Variants in TRIM67 observed in about 807,000 individuals in gnomAD.
The protein encoded by TRIM67 is tripartite motif-containing protein 67.
Under a neutral mutation model 71.0 loss-of-function variants are expected in TRIM67, and 39 were observed. The ratio of observed to expected loss-of-function variants is 0.55; its 90% CI spans 0.43 to 0.72. TRIM67 has a LOEUF of 0.72. Ranked by LOEUF, TRIM67 falls within the 30% of genes least tolerant of loss-of-function variation. TRIM67 has a pLI of 0.00. For missense variants in TRIM67, 973 were observed against 1,079.2 expected, an observed-to-expected ratio of 0.90 and a Z score of 1.38; for synonymous variants, 481 against 473.9, an observed-to-expected ratio of 1.01 and a Z score of -0.19.
At chr1:231,210,126 T>C (rs985271212) in intron 8 of TRIM67, among the ~76,000 whole-genome samples, 3 of 151,986 alleles carry the variant, frequency 2.0e-5, no homozygotes, top group African/African-American at 4.8e-5. Context: ...AAATGGAGAG[T>C]TGCAAGTTGC....
At chr1:231,198,931 A>G in intron 2 of TRIM67, 116 bp from the exon 3 acceptor site, 7 of 1,511,220 alleles carry the variant, frequency 4.6e-6, no homozygotes, top group Non-Finnish European at 6.3e-6. Context: ...AACATTATAG[A>G]GAAATCTAGG....
intron 1 of TRIM67, among the ~76,000 whole-genome samples, chr1:231,192,403 C>A (rs1237559396): frequency 6.6e-6 from 1 of 152,162 alleles, no homozygotes; most frequent in Non-Finnish European, 1.5e-5. Flanking sequence ...TGGTCTCAAA[C>A]TCCTGGGTTC....
In TRIM67 at chr1:231,217,436, C is replaced by T; in HGVS notation, c.*1996C>T. On this transcript the variant is annotated 3_prime_UTR_variant, in exon 10 of 10. Coordinates refer to ENST00000366653, the MANE Select transcript of TRIM67 (RefSeq NM_001004342.5). ...CTTGCCCGCACCTCTGCCTCTGTCT[C>T]CCATATCCCTGCAGCTTCATCCTTA... is the stretch of plus-strand genomic sequence containing the variant. 1.0e-6 allele frequency: 1 copy of T among 991,228 alleles called. No homozygotes were observed. The highest frequency in any genetic ancestry group is 1.2e-6 in the Non-Finnish European group (1 of 833,644). 61.4% of individuals were successfully genotyped at this position (991,228 alleles called of 1,614,324 possible). A position where few individuals can be genotyped will look rare whatever the true frequency, so the allele number is the denominator to read the frequency against.
Position 231,219,225 on chromosome 1 carries a change from G to A in TRIM67, c.*3785G>A, listed in dbSNP as rs1018756570. The A allele has an allele frequency of 4.9e-5, 48 of 983,114 alleles. No individual in the cohort carries two copies. The South Asian group carries it at 8.5e-4, about 17-fold the overall frequency. The allele number at this position is 983,114 out of a possible 1,614,324, so 60.9% of individuals were successfully genotyped here. On this transcript the variant is annotated 3_prime_UTR_variant, in exon 10 of 10. Transcript: ENST00000366653. ...CATTTTGCGATAGGTTCTGTATGCC[G>A]TAGGATGTTTAGCAACATCCCTGGT...
At position 231,199,189 on chromosome 1, in the gene TRIM67, ACACATTGAATCCCTGC is replaced by A. The variant is rs1558302653; in HGVS notation, c.1263+26_1263+41del. 1 of 1,612,998 alleles carries A rather than the reference ACACATTGAATCCCTGC, an allele frequency of 6.2e-7. No individual in the cohort carries two copies. Among genetic ancestry groups the A allele is most frequent in the Non-Finnish European group, 8.5e-7 (1 of 1,179,056 alleles). ...TTGAAGGTAGGTACCTGGGGGACTG[ACACATTGAATCCCTGC>A]CACATCCTCTGCACCCAGCGTGGGG... On this transcript the variant is annotated intron_variant, in intron 3 of 9. Coordinates refer to ENST00000366653, the MANE Select transcript of TRIM67 (RefSeq NM_001004342.5).
In TRIM67 at chr1:231,163,794, C is replaced by T. The variant is rs181618687; in HGVS notation, c.825C>T (p.Pro275=). 1.4e-3 allele frequency: 2,152 copies of T among 1,490,414 alleles called. 30 individuals carry two copies. In the African/African-American group the frequency reaches 0.027, roughly 19 times the overall value. The allele number at this position is 1,490,414 out of a possible 1,614,324, so 92.3% of individuals were successfully genotyped here. A position where few individuals can be genotyped will look rare whatever the true frequency, so the allele number is the denominator to read the frequency against. ...CCACTGGCACCGCCCAGGGCGCCCC[C>T]AGCGGAGGCGGCGGCTGCAAGAGCC... is the stretch of plus-strand genomic sequence containing the variant. The part of the protein sequence containing the change: ...SGPTGTAQGA[P]SGGGGCKSPG... The change falls in exon 1 of 10, where the codon CCC becomes CCT. Residue 275 remains proline (P), a synonymous_variant. Coordinates refer to ENST00000366653, the MANE Select transcript of TRIM67 (RefSeq NM_001004342.5).
At chr1:231,171,057 C>A (rs969078132) in intron 1 of TRIM67, among the ~76,000 whole-genome samples, 1 of 152,280 alleles carries the variant, frequency 6.6e-6, no homozygotes, top group African/African-American at 2.4e-5. Flanking sequence ...CTTTGAAATG[C>A]CCTAATGGGA....
intron 1 of TRIM67, among the ~76,000 whole-genome samples, chr1:231,165,417 C>T (rs1682427085): frequency 1.3e-5 from 2 of 152,186 alleles, no homozygotes; most frequent in Admixed American, 6.5e-5. Context: ...TATGTTTAGC[C>T]TCTAGCAAAG....
chr1:231,206,331 C>G (rs951703580), intron 6 of TRIM67, among the ~76,000 whole-genome samples: 1 of 151,818 alleles, frequency 6.6e-6, no homozygotes, highest in Admixed American at 6.6e-5. Flanking sequence ...GTTCCAGCTA[C>G]TTGGGAGGCT....
At chr1:231,183,280 G>A (rs1179286507) in intron 1 of TRIM67, among the ~76,000 whole-genome samples, 2 of 152,052 alleles carry the variant, frequency 1.3e-5, no homozygotes, top group East Asian at 3.9e-4. Context: ...ATCCAACTCT[G>A]GCTAACTTGA....
In TRIM67 at chr1:231,218,557, G is replaced by A. The variant is rs950439053; in HGVS notation, c.*3117G>A. On this transcript the variant is annotated 3_prime_UTR_variant, in exon 10 of 10. Coordinates refer to ENST00000366653, the MANE Select transcript of TRIM67 (RefSeq NM_001004342.5). ...ATAGCATCCCAGCTCCTAATTCAAA[G>A]CAGGGGAAGGTATTTCCCCAAAGCC... The A allele has an allele frequency of 1.0e-6, 1 of 985,294 alleles. No homozygotes were observed. Among genetic ancestry groups the A allele is most frequent in the Non-Finnish European group, 1.2e-6 (1 of 829,936 alleles). The allele number at this position is 985,294 out of a possible 1,614,324, so 61.0% of individuals were successfully genotyped here. A position where few individuals can be genotyped will look rare whatever the true frequency, so the allele number is the denominator to read the frequency against.
At position 231,167,485 on chromosome 1, in the gene TRIM67, G is replaced by C. The variant is rs534199645; in HGVS notation, c.1044+3472G>C. Among the ~76,000 whole-genome samples the C allele has an allele frequency of 5.5e-4, 70 of 126,798 alleles. 1 individual carries two copies. The highest frequency in any genetic ancestry group is 1.2e-3 in the South Asian group (5 of 4,276). 83.2% of individuals were successfully genotyped at this position (126,798 alleles called of 152,430 possible). ...CTACAGGCGCCCGCCACTACGCCCG[G>C]CTAATTTTTTGTATTTTTAGTAGAG... On this transcript the variant is annotated intron_variant, in intron 1 of 9. Coordinates refer to ENST00000366653, the MANE Select transcript of TRIM67 (RefSeq NM_001004342.5).
intron 2 of TRIM67, among the ~76,000 whole-genome samples, chr1:231,198,296 C>A (rs893875012): frequency 2.0e-5 from 3 of 152,200 alleles, no homozygotes; most frequent in Non-Finnish European, 2.9e-5. Flanking sequence ...GGAGAACGTG[C>A]ACACACAGGT....
Position 231,162,637 on chromosome 1 carries a change from G to A in TRIM67, c.-333G>A, listed in dbSNP as rs1173289773. On this transcript the variant is annotated 5_prime_UTR_variant, in exon 1 of 10. Coordinates refer to ENST00000366653, the MANE Select transcript of TRIM67 (RefSeq NM_001004342.5). ...GAGGCGCGCGCTGCAGCCGGCGGCGGCGCTGGTGCTGATTCATCACCTAAA... is the reference window on the plus strand; with the variant it reads ...GAGGCGCGCGCTGCAGCCGGCGGCGACGCTGGTGCTGATTCATCACCTAAA... 3 of 270,616 alleles carry A rather than the reference G, an allele frequency of 1.1e-5. No individual in the cohort carries two copies. In the Admixed American group the frequency reaches 1.6e-4, roughly 14 times the overall value. 16.8% of individuals were successfully genotyped at this position (270,616 alleles called of 1,614,324 possible).
chr1:231,198,277 G>A (rs547861494), intron 2 of TRIM67, among the ~76,000 whole-genome samples: 56 of 152,240 alleles, frequency 3.7e-4, no homozygotes, highest in Non-Finnish European at 7.1e-4. Context: ...CTCAGGGTCT[G>A]TCTATAGGGG....
chr1:231,195,021 A>C (rs1683331300), intron 1 of TRIM67, among the ~76,000 whole-genome samples: 1 of 152,016 alleles, frequency 6.6e-6, no homozygotes. Context: ...GAGCTACCCC[A>C]CCTGGCTTCA....
intron 1 of TRIM67, among the ~76,000 whole-genome samples, chr1:231,174,729 C>A (rs1682701516): frequency 6.6e-6 from 1 of 152,124 alleles, no homozygotes; most frequent in Non-Finnish European, 1.5e-5. Flanking sequence ...AGAGTTTTTT[C>A]ATTTCCCTTC....
intron 1 of TRIM67, among the ~76,000 whole-genome samples, chr1:231,196,250 T>C (rs1683369267): frequency 6.6e-6 from 1 of 152,150 alleles, no homozygotes; most frequent in South Asian, 2.1e-4. Flanking sequence ...CCCTGGCCCT[T>C]CTGACTCTGC....
chr1:231,209,554 A>C lies in TRIM67; in HGVS notation c.2123+304A>C, dbSNP rs16841556. ...TGGAGCTCGTAGTTTTCTTTCTGGT[A>C]CGGCTTCACTTTCCTTTTCAACTGT... On this transcript the variant is annotated intron_variant, in intron 8 of 9. Transcript: ENST00000366653. The surrounding 1 kb of genome is among the most constrained non-coding windows in gnomAD (Gnocchi z 4.1). 0.36 allele frequency among the ~76,000 whole-genome samples: 54,719 copies of C among 151,974 alleles called. 10,020 individuals carry two copies. The highest frequency in any genetic ancestry group is 0.41 in the Admixed American group (6,266 of 15,278).
Sources: gnomAD v4.1 joint callset for allele counts (sites outside exome capture counted in the v4.1 genomes callset) on GRCh38, gnomAD v4.1.1 for gene constraint, Gnocchi (gnomAD v3.1) non-coding constraint, MANE v1.5 for transcripts, NCBI Gene and HGNC (gene_info 2026-07-23, HGNC 2026-07-21) for gene names.